The following N4BP2L1 variants were observed in gnomAD, a reference collection of about 807,000 sequenced individuals.
The protein encoded by N4BP2L1 is NEDD4 binding protein 2 like 1, also known as NEDD4-binding protein 2-like 1.
A neutral mutation model predicts 21.2 loss-of-function variants in N4BP2L1; 12 were observed. The observed-to-expected ratio is 0.57, with a 90% confidence interval of 0.36 to 0.92. The LOEUF (loss-of-function observed/expected upper bound fraction) is 0.92, where lower values mean the gene tolerates loss of function less well. Among genes scored for constraint, N4BP2L1 ranks in the 40% least tolerant of loss-of-function variants. The pLI is 0.01. For synonymous variants in N4BP2L1, 104 were observed against 112.8 expected (o/e 0.92, Z 0.49); for missense variants, 259 against 310.6 (o/e 0.83, Z 1.25).
intron 1 of N4BP2L1, chr13:32,411,830 A>G: frequency 4.2e-6 from 4 of 954,016 alleles, no homozygotes; most frequent in Non-Finnish European, 5.0e-6. Flanking sequence ...TCAGTCACTC[A>G]CTGAGAAAGT....
intron 3 of N4BP2L1, among the ~76,000 whole-genome samples, chr13:32,406,144 C>T (rs945686435): frequency 1.3e-5 from 2 of 151,600 alleles, no homozygotes; most frequent in Non-Finnish European, 2.9e-5. Flanking sequence ...CTCCTGACCT[C>T]GTGATCCACC....
At chr13:32,412,554 G>A (rs1423205573) in intron 1 of N4BP2L1, among the ~76,000 whole-genome samples, 2 of 150,838 alleles carry the variant, frequency 1.3e-5, no homozygotes, top group Non-Finnish European at 2.9e-5. Context: ...TTGAACCCAG[G>A]AGGCAGAAAT....
At position 32,415,156 on chromosome 13, in the gene N4BP2L1, A is replaced by C. The variant is rs533694408; in HGVS notation, c.180-7384T>G. Among the ~76,000 whole-genome samples, 7 of 152,330 alleles carry C rather than the reference A, an allele frequency of 4.6e-5. No homozygotes were observed. In the South Asian group the frequency reaches 1.2e-3, roughly 27 times the overall value. On this transcript the variant is annotated intron_variant, in intron 1 of 4. Transcript: ENST00000380130. The stretch of plus-strand genomic sequence containing the variant: ...ACAACTCCATGATCAACATGGACCC[A>C]GGAGTCTAGCATCTTTTTTAGCAAG...
chr13:32,414,673 A>G (rs2074032317), intron 1 of N4BP2L1, among the ~76,000 whole-genome samples: 1 of 152,222 alleles, frequency 6.6e-6, no homozygotes, highest in Admixed American at 6.5e-5. Flanking sequence ...AGCAGTGAAC[A>G]AAGAGCTTGG....
chr13:32,402,774 C>A lies in N4BP2L1; in HGVS notation c.*168G>T. 2 of 1,399,622 alleles carry A rather than the reference C, an allele frequency of 1.4e-6. No individual in the cohort carries two copies. Among genetic ancestry groups the A allele is most frequent in the African/African-American group, 1.4e-5 (1 of 69,226 alleles). 86.7% of individuals were successfully genotyped at this position (1,399,622 alleles called of 1,614,324 possible). Reference sequence around the variant, plus strand: ...GCATCAGACCATGCATATAGAAGCACTTTAACAAATTTTGGTGAAGAAAGT... The same window carrying A: ...GCATCAGACCATGCATATAGAAGCAATTTAACAAATTTTGGTGAAGAAAGT... On this transcript the variant is annotated 3_prime_UTR_variant, in exon 5 of 5. Transcript: ENST00000380130.
chr13:32,421,653 G>A (rs1407868762), intron 1 of N4BP2L1, among the ~76,000 whole-genome samples: 1 of 152,198 alleles, frequency 6.6e-6, no homozygotes, highest in East Asian at 1.9e-4. Context: ...ACAGTCAGCA[G>A]TAACCATGTG....
chr13:32,427,871 C>A, intron 1 of N4BP2L1, 33 bp downstream of exon 1: 1 of 1,398,002 alleles, frequency 7.2e-7, no homozygotes, highest in East Asian at 3.0e-5. Flanking sequence ...TGGCCCCGGG[C>A]CCGTGCACCG....
In N4BP2L1 at chr13:32,427,992, G is replaced by A. The variant is rs1290457268; in HGVS notation, c.91C>T (p.Arg31Trp). ...QRQRPPRPPP[R>W]GTPPRRHSFR... ...CTGTGGCGGCGAGGAGGTGTCCCCC[G>A]CGGGGGCGGCCGGGGCGGCCGCTGC... Residue 31 changes from arginine to tryptophan, a missense_variant, in exon 1 of 5, where the codon CGG (arginine) becomes TGG (tryptophan). Arg to Trp is a moderately radical substitution (Grantham distance 101). Around this residue, in one of 3 missense-constraint regions of N4BP2L1, gnomAD observed 60 missense variants for 54.7 expected, o/e 1.10. Transcript: ENST00000380130. 2 of 1,557,782 alleles carry A rather than the reference G, an allele frequency of 1.3e-6. No individual in the cohort carries two copies. Among genetic ancestry groups the A allele is most frequent in the Admixed American group, 2.0e-5 (1 of 50,114 alleles).
chr13:32,409,555 G>A (rs2073727901), intron 1 of N4BP2L1, among the ~76,000 whole-genome samples: 1 of 152,194 alleles, frequency 6.6e-6, no homozygotes, highest in Non-Finnish European at 1.5e-5. Flanking sequence ...GAAGCGTTAA[G>A]GTACAGAAAG....
intron 1 of N4BP2L1, chr13:32,425,964 A>G (rs1203714577): frequency 1.3e-5 from 2 of 152,106 alleles, no homozygotes; most frequent in African/African-American, 2.4e-5. Context: ...CCCTAGAGAG[A>G]GAGAGATGGT....
intron 1 of N4BP2L1, among the ~76,000 whole-genome samples, chr13:32,419,146 G>A (rs573347645): frequency 9.9e-5 from 15 of 151,736 alleles, no homozygotes; most frequent in Middle Eastern, 6.8e-3. Flanking sequence ...TAATCCCCAC[G>A]TCATGGGAAT....
intron 1 of N4BP2L1, chr13:32,425,826 T>C (rs1336361014): frequency 1.3e-5 from 2 of 151,966 alleles, no homozygotes; most frequent in African/African-American, 4.8e-5. Flanking sequence ...AGCCTTTTAG[T>C]AGTCACATGT....
intron 1 of N4BP2L1, among the ~76,000 whole-genome samples, chr13:32,413,167 C>A (rs1234822693): frequency 6.6e-6 from 1 of 152,170 alleles, no homozygotes; most frequent in Admixed American, 6.5e-5. Flanking sequence ...CTCAGGTGAT[C>A]CACCTGCCTC....
intron 1 of N4BP2L1, among the ~76,000 whole-genome samples, chr13:32,422,019 T>C (rs2074509948): frequency 6.6e-6 from 1 of 151,918 alleles, no homozygotes; most frequent in Non-Finnish European, 1.5e-5. Flanking sequence ...TGCTTGGGAG[T>C]TGGAAGTTGA....
rs754441370 is a variant in N4BP2L1 at position 32,402,331 on chromosome 13, CAAT to C, written c.*608_*610del. On this transcript the variant is annotated 3_prime_UTR_variant, in exon 5 of 5. Transcript: ENST00000380130. ...ATTAAGGATTTGACAGCATTTTTAA[CAAT>C]GATACATCATTAAAATAAAGAAATA... 380 of 568,756 alleles carry C rather than the reference CAAT, an allele frequency of 6.7e-4. No individual in the cohort carries two copies. The highest frequency in any genetic ancestry group is 7.8e-4 in the Non-Finnish European group (353 of 449,802). 35.2% of individuals were successfully genotyped at this position (568,756 alleles called of 1,614,324 possible).
At chr13:32,411,024 T>C (rs957510514) in intron 1 of N4BP2L1, among the ~76,000 whole-genome samples, 1 of 152,232 alleles carries the variant, frequency 6.6e-6, no homozygotes, top group Non-Finnish European at 1.5e-5. Context: ...TATTATTGAT[T>C]GGAAGTTAAT....
At chr13:32,404,247 G>C in intron 4 of N4BP2L1, 74 bp downstream of exon 4, 2 of 1,586,958 alleles carry the variant, frequency 1.3e-6, no homozygotes, top group Non-Finnish European at 1.7e-6. Context: ...AGCCTGAAAA[G>C]ATTCTTTTGT....
chr13:32,407,849 TCTAACATTTA>T, intron 1 of N4BP2L1, 77 bp from the exon 2 acceptor site: 1 of 1,460,708 alleles, frequency 6.8e-7, no homozygotes, highest in Non-Finnish European at 9.2e-7. Context: ...TCCTTCCATC[TCTAACATTTA>T]GCAGTTTATA....
chr13:32,422,595 C>T lies in N4BP2L1; in HGVS notation c.179+5309G>A, dbSNP rs142815050. On this transcript the variant is annotated intron_variant, in intron 1 of 4. Transcript: ENST00000380130. ...TTCAGCAGGGTCTTCTTCCATTGTT[C>T]CAACAGCTCCAGGAATGTGTTTGTG... is the stretch of plus-strand genomic sequence containing the variant. 5.9e-5 allele frequency among the ~76,000 whole-genome samples: 9 copies of T among 152,346 alleles called. No homozygotes were observed. In the East Asian group the frequency reaches 1.7e-3, roughly 29 times the overall value.
Sources: allele counts gnomAD v4.1 joint callset (sites outside exome capture counted in the v4.1 genomes callset), GRCh38; gene constraint gnomAD v4.1.1; regional missense constraint gnomAD v4.1.1; transcripts MANE v1.5; gene names NCBI Gene and HGNC (gene_info 2026-07-23, HGNC 2026-07-21).